Variants in MMS22L observed in about 807,000 individuals in gnomAD.
The protein encoded by MMS22L is protein MMS22-like.
In MMS22L, 74 loss-of-function variants were observed where a neutral mutation model predicts 159.1. That is an observed-to-expected ratio of 0.47 (90% CI 0.39 to 0.56). The LOEUF is 0.56. Among genes scored for constraint, MMS22L ranks in the 20% least tolerant of loss-of-function variants. The pLI, the probability that MMS22L is intolerant of heterozygous loss-of-function variation, is 0.00. For synonymous variants in MMS22L, 517 were observed against 506.9 expected, an observed-to-expected ratio of 1.02 and a Z score of -0.27; for missense variants, 1,351 against 1,422.1, an observed-to-expected ratio of 0.95 and a Z score of 0.80.
intron 11 of MMS22L, among the ~76,000 whole-genome samples, chr6:97,235,282 C>T (rs187256340): frequency 5.3e-5 from 8 of 152,232 alleles, no homozygotes; most frequent in Admixed American, 3.3e-4. Context: ...GTCAATGGTG[C>T]TATTTCCTGA....
intron 14 of MMS22L, among the ~76,000 whole-genome samples, chr6:97,195,485 G>C (rs1806393805): frequency 6.6e-6 from 1 of 152,186 alleles, no homozygotes; most frequent in South Asian, 2.1e-4. Context: ...TAACCACTTT[G>C]ATTATAATAG....
At chr6:97,205,535 G>GC (rs915640962) in intron 14 of MMS22L, among the ~76,000 whole-genome samples, 1 of 152,146 alleles carries the variant, frequency 6.6e-6, no homozygotes, top group Admixed American at 6.5e-5. Flanking sequence ...TAACTAAGCA[G>GC]CAAGTGTCAG....
intron 12 of MMS22L, among the ~76,000 whole-genome samples, chr6:97,233,009 C>T (rs544218937): frequency 1.3e-5 from 2 of 151,806 alleles, no homozygotes; most frequent in Non-Finnish European, 2.9e-5. Context: ...ATCATTTGCT[C>T]ATACAACTAC....
chr6:97,258,855 C>G (rs113445139), intron 9 of MMS22L: 5 of 152,172 alleles, frequency 3.3e-5, no homozygotes, highest in Non-Finnish European at 7.3e-5. Context: ...CATTGCCAAT[C>G]CCCTCAAAGA....
intron 9 of MMS22L, chr6:97,261,759 G>A (rs1814507660): frequency 6.6e-6 from 1 of 152,098 alleles, no homozygotes; most frequent in African/African-American, 2.4e-5. Flanking sequence ...AGGGAGATGT[G>A]GGTTTAGGCA....
chr6:97,182,245 T>C (rs1328621396), intron 15 of MMS22L, among the ~76,000 whole-genome samples, 191 bp from the exon 16 acceptor site: 1 of 152,098 alleles, frequency 6.6e-6, no homozygotes, highest in Non-Finnish European at 1.5e-5. Flanking sequence ...GAAATTTCTG[T>C]AGCATCTAGA....
At chr6:97,204,800 A>G (rs1383975410) in intron 14 of MMS22L, among the ~76,000 whole-genome samples, 1 of 151,380 alleles carries the variant, frequency 6.6e-6, no homozygotes, top group African/African-American at 2.4e-5. Context: ...GTGTCAAAAA[A>G]AAAAAAAAAA....
At chr6:97,248,113 C>G (rs1054696713) in intron 10 of MMS22L, among the ~76,000 whole-genome samples, 1 of 152,166 alleles carries the variant, frequency 6.6e-6, no homozygotes, top group Non-Finnish European at 1.5e-5. Context: ...TAGTATGTCA[C>G]CTCCAAGAAT....
chr6:97,161,788 C>T (rs939755076), intron 22 of MMS22L, among the ~76,000 whole-genome samples: 3 of 151,852 alleles, frequency 2.0e-5, no homozygotes, highest in Admixed American at 2.0e-4. Context: ...AGAAAAAAAG[C>T]CAAAACTAAA....
intron 15 of MMS22L, 106 bp downstream of exon 15, chr6:97,186,391 T>C (rs1284248969): frequency 3.6e-6 from 3 of 829,132 alleles, no homozygotes; most frequent in African/African-American, 1.8e-5. Context: ...TCTTTCTGGC[T>C]GACAAAATGT....
chr6:97,173,174 C>G lies in MMS22L; in HGVS notation c.2728G>C (p.Ala910Pro), dbSNP rs202003395. ...TATTCCAAGGACTTTGTGACCATGG[C>G]AGATTTATCAGAAAGTGTCTGGACG... The part of the protein sequence containing the change: ...GNVQTLSDKS[A>P]MVTKSLEYLG... The change falls in exon 19 of 25, where the codon GCC becomes CCC. Residue 910 changes from alanine (A) to proline (P), a missense_variant. Transcript: ENST00000683635. 44 of 1,613,544 alleles carry G rather than the reference C, an allele frequency of 2.7e-5. No individual in the cohort carries two copies. The highest frequency in any genetic ancestry group is 8.3e-5 in the Admixed American group (5 of 59,946).
At chr6:97,269,314 A>G (rs766065127) in intron 7 of MMS22L, among the ~76,000 whole-genome samples, 13 of 152,118 alleles carry the variant, frequency 8.5e-5, no homozygotes, top group Non-Finnish European at 1.6e-4. Context: ...TAATGCCTAT[A>G]TATCAGCAGG....
chr6:97,213,052 T>TGTGC (rs905540968), intron 14 of MMS22L, among the ~76,000 whole-genome samples: 1 of 152,150 alleles, frequency 6.6e-6, no homozygotes. Context: ...TGTGTGTGTG[T>TGTGC]GTGCGTGTGT....
In MMS22L at chr6:97,145,767, A is replaced by C. The variant is rs1052396800; in HGVS notation, c.*1039T>G. On this transcript the variant is annotated 3_prime_UTR_variant, in exon 25 of 25. Transcript: ENST00000683635. ...GTTACGTAACTAGCTCAAGATCATA[A>C]AGCAAAGCTGAGTTTGAGACCCAGG... 2.0e-5 allele frequency: 3 copies of C among 152,130 alleles called. No homozygotes were observed. Among genetic ancestry groups the C allele is most frequent in the African/African-American group, 7.2e-5 (3 of 41,418 alleles). 9.4% of individuals were successfully genotyped at this position (152,130 alleles called of 1,614,324 possible).
At chr6:97,198,669 G>T (rs1806809437) in intron 14 of MMS22L, among the ~76,000 whole-genome samples, 1 of 152,036 alleles carries the variant, frequency 6.6e-6, no homozygotes, top group Non-Finnish European at 1.5e-5. Context: ...TATAACCACA[G>T]GGTAGTATCT....
chr6:97,154,059 C>T (rs538316086), intron 22 of MMS22L, among the ~76,000 whole-genome samples: 2 of 152,124 alleles, frequency 1.3e-5, no homozygotes, highest in Non-Finnish European at 2.9e-5. Context: ...TCCAAAGTAG[C>T]AACATGATTT....
chr6:97,260,725 T>C (rs953143522), intron 9 of MMS22L: 6 of 152,210 alleles, frequency 3.9e-5, no homozygotes, highest in African/African-American at 1.2e-4. Flanking sequence ...AAGTTTATAA[T>C]GGTCTAGTTT....
chr6:97,213,521 T>C (rs900723342), intron 14 of MMS22L, among the ~76,000 whole-genome samples: 8 of 152,074 alleles, frequency 5.3e-5, no homozygotes, highest in Non-Finnish European at 7.4e-5. Flanking sequence ...GGAGAAGCAA[T>C]AGCAGCTGGG....
Position 97,273,869 on chromosome 6 carries a change from T to C in MMS22L, c.341-807A>G, listed in dbSNP as rs574577569. 6.6e-5 allele frequency among the ~76,000 whole-genome samples: 10 copies of C among 152,308 alleles called. No individual in the cohort carries two copies. In the East Asian group the frequency reaches 1.7e-3, roughly 26 times the overall value. On this transcript the variant is annotated intron_variant, in intron 4 of 24. Transcript: ENST00000683635. The stretch of plus-strand genomic sequence containing the variant: ...TGCTCTCTTTTGTCCCCCTATACAC[T>C]AAGTAAAAAATCTGCTTAAAATGTA...
Sources: gnomAD v4.1 joint callset for allele counts (sites outside exome capture counted in the v4.1 genomes callset) on GRCh38, gnomAD v4.1.1 for gene constraint, MANE v1.5 for transcripts, NCBI Gene and HGNC (gene_info 2026-07-23, HGNC 2026-07-21) for gene names.